PTPRD: variants seen among roughly 807,000 people sequenced by gnomAD.
The protein encoded by PTPRD is protein tyrosine phosphatase receptor type D.
In PTPRD, 34 loss-of-function variants were observed where a neutral mutation model predicts 214.5. That is an observed-to-expected ratio of 0.16 (90% confidence interval 0.12 to 0.21). PTPRD has a LOEUF of 0.21. Among genes scored for constraint, PTPRD ranks in the 10% least tolerant of loss-of-function variants. The pLI, the probability that PTPRD is intolerant of heterozygous loss-of-function variation, is 1.00. For synonymous variants in PTPRD, 1,128 were observed against 845.7 expected, an observed-to-expected ratio of 1.33 and a Z score of -5.79; for missense variants, 2,545 against 2,398.7, an observed-to-expected ratio of 1.06 and a Z score of -1.27.
rs142370244 is a variant in PTPRD at position 8,373,450 on chromosome 9, T to C, written c.4661+2486A>G. On this transcript the variant is annotated intron_variant, in intron 39 of 45. Coordinates refer to ENST00000381196, the MANE Select transcript of PTPRD (RefSeq NM_002839.4). ...TCTTCCACCAATATACCTACTCTTC[T>C]GTTGTTTGTTTCAATAAGCAGCTTC... Among the ~76,000 whole-genome samples, 134 of 152,148 alleles carry C rather than the reference T, an allele frequency of 8.8e-4. 1 individual carries two copies. Among genetic ancestry groups the C allele is most frequent in the African/African-American group, 3.1e-3 (130 of 41,536 alleles).
chr9:9,036,678 G>A (rs2099622903), intron 10 of PTPRD, among the ~76,000 whole-genome samples: 1 of 152,124 alleles, frequency 6.6e-6, no homozygotes, highest in Non-Finnish European at 1.5e-5. Flanking sequence ...AAGATGCTAG[G>A]TGAAAATTCT....
intron 7 of PTPRD, among the ~76,000 whole-genome samples, chr9:9,719,879 TG>T (rs2097905351): frequency 6.6e-6 from 1 of 152,172 alleles, no homozygotes; most frequent in Admixed American, 6.5e-5. Flanking sequence ...CAGTCTCTCA[TG>T]GTGCTGCCAC....
intron 7 of PTPRD, among the ~76,000 whole-genome samples, chr9:9,656,278 G>T (rs372613228): frequency 1.3e-5 from 2 of 152,126 alleles, no homozygotes; most frequent in Non-Finnish European, 2.9e-5. Context: ...ACCAAAATGC[G>T]TTGAAAACTT....
chr9:8,489,741 G>C (rs1395554022), intron 27 of PTPRD, among the ~76,000 whole-genome samples: 1 of 152,196 alleles, frequency 6.6e-6, no homozygotes. Flanking sequence ...AAGGAATGAG[G>C]AGAGTTCTAC....
chr9:10,346,151 T>C (rs143593958), intron 2 of PTPRD, among the ~76,000 whole-genome samples: 32 of 152,344 alleles, frequency 2.1e-4, no homozygotes, highest in African/African-American at 7.2e-4. Context: ...TCAAAATGCT[T>C]AAGTAAATGT....
intron 9 of PTPRD, among the ~76,000 whole-genome samples, chr9:9,344,720 C>G (rs1423431976): frequency 2.0e-5 from 3 of 151,754 alleles, no homozygotes; most frequent in Admixed American, 6.6e-5. Context: ...ATGGTAGATA[C>G]AATCCAAAAG....
chr9:8,451,039 C>G (rs1468562714), intron 33 of PTPRD, among the ~76,000 whole-genome samples: 3 of 152,048 alleles, frequency 2.0e-5, no homozygotes, highest in Admixed American at 6.5e-5. Context: ...GGGTCTCATT[C>G]AATGCCACCC....
At chr9:9,474,485 T>C (rs573071156) in intron 8 of PTPRD, among the ~76,000 whole-genome samples, 2 of 152,224 alleles carry the variant, frequency 1.3e-5, no homozygotes, top group East Asian at 1.9e-4. Context: ...AAGAATTCCA[T>C]TGGTGTTTTG....
intron 7 of PTPRD, among the ~76,000 whole-genome samples, chr9:9,687,606 C>G (rs2097188449): frequency 1.3e-5 from 2 of 151,130 alleles, no homozygotes; most frequent in Non-Finnish European, 1.5e-5. Flanking sequence ...GCACATGTAC[C>G]CTAAAACTTA....
rs28489954 is a variant in PTPRD at position 8,793,461 on chromosome 9, A to T, written c.-103-59515T>A. On this transcript the variant is annotated intron_variant, in intron 11 of 45. Transcript: ENST00000381196. ...AACATTCTGACTGCAGCTTCATGAG[A>T]GACTCTGAGCCAGAACTACACAGAT... 4.7e-3 allele frequency among the ~76,000 whole-genome samples: 721 copies of T among 152,218 alleles called. 5 individuals are homozygous for T. The highest frequency in any genetic ancestry group is 0.017 in the Middle Eastern group (5 of 294).
At chr9:9,436,189 G>A (rs1341126023) in intron 8 of PTPRD, among the ~76,000 whole-genome samples, 1 of 152,068 alleles carries the variant, frequency 6.6e-6, no homozygotes, top group Admixed American at 6.6e-5. Context: ...ACAATTCTGA[G>A]GTGTATTTCT....
intron 5 of PTPRD, among the ~76,000 whole-genome samples, chr9:9,933,186 C>A (rs1399940140): frequency 2.0e-5 from 3 of 152,152 alleles, no homozygotes; most frequent in Non-Finnish European, 4.4e-5. Context: ...GCAAAATAAC[C>A]AGCTAACATC....
At chr9:8,984,512 C>T (rs536569936) in intron 11 of PTPRD, among the ~76,000 whole-genome samples, 1 of 152,152 alleles carries the variant, frequency 6.6e-6, no homozygotes, top group African/African-American at 2.4e-5. Flanking sequence ...AAATTATGAG[C>T]TGTTCTGAAA....
At chr9:10,242,671 A>T (rs1335282662) in intron 3 of PTPRD, among the ~76,000 whole-genome samples, 1 of 98,532 alleles carries the variant, frequency 1.0e-5, no homozygotes, top group East Asian at 3.3e-4. Flanking sequence ...AAAATCAATC[A>T]GCTTAAGGGC....
chr9:8,421,370 T>TC (rs1554921174), intron 35 of PTPRD, among the ~76,000 whole-genome samples: 2 of 146,756 alleles, frequency 1.4e-5, no homozygotes, highest in South Asian at 2.1e-4. Flanking sequence ...TTCTCTTCTC[T>TC]TCTCTCTCTC....
chr9:9,341,262 T>C (rs2046686422), intron 9 of PTPRD, among the ~76,000 whole-genome samples: 1 of 152,118 alleles, frequency 6.6e-6, no homozygotes, highest in Non-Finnish European at 1.5e-5. Context: ...CCTCCATCTG[T>C]AGGCTCAGCC....
chr9:8,873,617 C>T (rs1271390198), intron 11 of PTPRD, among the ~76,000 whole-genome samples: 1 of 152,134 alleles, frequency 6.6e-6, no homozygotes, highest in African/African-American at 2.4e-5. Flanking sequence ...TTCCTTTTCA[C>T]TGTCATCTAT....
chr9:9,516,020 T>C (rs2096829046), intron 8 of PTPRD, among the ~76,000 whole-genome samples: 1 of 152,162 alleles, frequency 6.6e-6, no homozygotes, highest in Non-Finnish European at 1.5e-5. Context: ...TTTGTACCCA[T>C]ATGCAAGCAT....
intron 12 of PTPRD, among the ~76,000 whole-genome samples, chr9:8,729,242 C>T (rs995847778): frequency 1.3e-5 from 2 of 152,146 alleles, no homozygotes; most frequent in African/African-American, 2.4e-5. Flanking sequence ...ATGTGTAATT[C>T]TAAGAAGCCT....
Sources: gnomAD v4.1 joint callset for allele counts (sites outside exome capture counted in the v4.1 genomes callset) on GRCh38, gnomAD v4.1.1 for gene constraint, MANE v1.5 for transcripts, NCBI Gene and HGNC (gene_info 2026-07-23, HGNC 2026-07-21) for gene names.